Variants in TM9SF3 observed in about 807,000 individuals in gnomAD.
The protein encoded by TM9SF3 is SM-11044-binding protein.
TM9SF3 carries 14 observed loss-of-function variants against 78.6 expected under a neutral mutation model. That is an observed-to-expected ratio of 0.18 (90% CI 0.12 to 0.28). The LOEUF (loss-of-function observed/expected upper bound fraction) is 0.28. Ranked by LOEUF, TM9SF3 falls within the 10% of genes least tolerant of loss-of-function variation. The pLI is 1.00. For synonymous variants in TM9SF3, 231 were observed against 241.7 expected (o/e 0.96, Z 0.41); for missense variants, 496 against 721.9 (o/e 0.69, Z 3.59).
At chr10:96,538,553 G>A (rs1482489386) in intron 9 of TM9SF3, among the ~76,000 whole-genome samples, 1 of 152,086 alleles carries the variant, frequency 6.6e-6, no homozygotes, top group Non-Finnish European at 1.5e-5. Flanking sequence ...TTTAAAATTA[G>A]TAATTTTGCC....
chr10:96,571,660 C>A (rs1322047187), intron 2 of TM9SF3, among the ~76,000 whole-genome samples: 1 of 152,190 alleles, frequency 6.6e-6, no homozygotes, highest in Admixed American at 6.5e-5. Flanking sequence ...GCATCTCTTC[C>A]TACCTGCAGT....
chr10:96,530,468 A>C (rs1589446749), intron 11 of TM9SF3, 72 bp downstream of exon 11: 2 of 1,246,388 alleles, frequency 1.6e-6, no homozygotes, highest in South Asian at 1.4e-5. Context: ...ATAACTTTAC[A>C]TGTTCCCTAA....
chr10:96,579,920 TGAA>T (rs1848542251), intron 1 of TM9SF3, among the ~76,000 whole-genome samples: 1 of 152,214 alleles, frequency 6.6e-6, no homozygotes, highest in South Asian at 2.1e-4. Flanking sequence ...ACACAACTTC[TGAA>T]GGAGAAAACA....
At chr10:96,553,086 C>T (rs879475165) in intron 5 of TM9SF3, 27 bp from the exon 6 acceptor site, 6 of 1,562,960 alleles carry the variant, frequency 3.8e-6, no homozygotes, top group Non-Finnish European at 5.2e-6. Context: ...TAAAATGTTA[C>T]CAACCTGCAA....
intron 14 of TM9SF3, among the ~76,000 whole-genome samples, chr10:96,526,088 C>T (rs948224378): frequency 7.9e-5 from 12 of 152,070 alleles, no homozygotes; most frequent in Non-Finnish European, 1.3e-4. Context: ...TCACTGAATC[C>T]TCTTTATAGC....
intron 5 of TM9SF3, among the ~76,000 whole-genome samples, chr10:96,559,240 T>C (rs1201041822): frequency 1.8e-4 from 28 of 152,128 alleles, no homozygotes; most frequent in Non-Finnish European, 4.4e-5. Flanking sequence ...GCCTATAATA[T>C]ACTCTCTGAG....
Position 96,543,988 on chromosome 10 carries a change from T to G in TM9SF3, c.1185+88A>C, listed in dbSNP as rs7901357. 7.1e-3 allele frequency: 9,679 copies of G among 1,354,460 alleles called. 516 individuals are homozygous for G. The African/African-American group carries it at 0.12, about 17-fold the overall frequency. 83.9% of individuals were successfully genotyped at this position (1,354,460 alleles called of 1,614,324 possible). Reference sequence around the variant, plus strand: ...TGAACTGACTGAAACCATCAAAACATCTAATAAGAAGTATTTTGGAGGGTG... The same window carrying G: ...TGAACTGACTGAAACCATCAAAACAGCTAATAAGAAGTATTTTGGAGGGTG... On this transcript the variant is annotated intron_variant, in intron 9 of 14. Coordinates refer to ENST00000371142, the MANE Select transcript of TM9SF3 (RefSeq NM_020123.4).
chr10:96,543,758 T>G (rs1035797312), intron 9 of TM9SF3: 1 of 163,736 alleles, frequency 6.1e-6, no homozygotes, highest in Non-Finnish European at 1.3e-5. Flanking sequence ...GTGATTGTCA[T>G]GATTCTTTCT....
rs1847779447 is a variant in TM9SF3 at position 96,521,843 on chromosome 10, A to G, written c.*420T>C. ...TAATCTTTCTGGAACATCATTTTTC[A>G]ATAACATAGAAACACTAAGTGCCAG... On this transcript the variant is annotated 3_prime_UTR_variant, in exon 15 of 15. Transcript: ENST00000371142. 1 of 153,996 alleles carries G rather than the reference A, an allele frequency of 6.5e-6. No homozygotes were observed. 9.5% of individuals were successfully genotyped at this position (153,996 alleles called of 1,614,324 possible).
chr10:96,567,375 G>T (rs928730249), intron 2 of TM9SF3, among the ~76,000 whole-genome samples: 2 of 152,068 alleles, frequency 1.3e-5, no homozygotes, highest in Non-Finnish European at 2.9e-5. Flanking sequence ...GTGAGCCACC[G>T]CACCCGGCCA....
Position 96,547,908 on chromosome 10 carries a change from A to G in TM9SF3, c.1041T>C (p.Tyr347=). The G allele has an allele frequency of 6.2e-7, 1 of 1,613,340 alleles. No individual in the cohort carries two copies. Among genetic ancestry groups the G allele is most frequent in the South Asian group, 1.1e-5 (1 of 91,036 alleles). ...TTCGTAAGTTACCTCCTTGTCTAGC[A>G]TACAGACTTCCTCCAAAATAACCAT... ...PVNGYFGGSL[Y]ARQGGRRWIK... The change falls in exon 8 of 15, where the codon TAT becomes TAC. Residue 347 remains tyrosine, a synonymous_variant. Transcript: ENST00000371142.
chr10:96,539,875 C>T (rs977745275), intron 9 of TM9SF3, among the ~76,000 whole-genome samples: 1 of 152,098 alleles, frequency 6.6e-6, no homozygotes, highest in African/African-American at 2.4e-5. Context: ...ACAAAGAAAA[C>T]TAACTACGGG....
In TM9SF3 at chr10:96,551,853, C is replaced by T. The variant is rs895030208; in HGVS notation, c.793-442G>A. ...CTAAGAATGCAGAAATGTCCTTTAG[C>T]GCCTAGAATCTAAGAAAACATATGG... On this transcript the variant is annotated intron_variant, in intron 6 of 14. Coordinates refer to ENST00000371142, the MANE Select transcript of TM9SF3 (RefSeq NM_020123.4). 4.6e-5 allele frequency among the ~76,000 whole-genome samples: 7 copies of T among 152,194 alleles called. No homozygotes were observed. The South Asian group carries it at 6.2e-4, about 14-fold the overall frequency.
At chr10:96,581,731 A>G (rs1268090343) in intron 1 of TM9SF3, among the ~76,000 whole-genome samples, 1 of 152,240 alleles carries the variant, frequency 6.6e-6, no homozygotes, top group Non-Finnish European at 1.5e-5. Flanking sequence ...ACAGAGACAA[A>G]GACAAAAGGT....
intron 14 of TM9SF3, among the ~76,000 whole-genome samples, chr10:96,526,961 CA>C (rs1847844922): frequency 6.6e-6 from 1 of 151,968 alleles, no homozygotes; most frequent in Non-Finnish European, 1.5e-5. Context: ...AGCCAATTCT[CA>C]ACATGAATGA....
chr10:96,586,785 C>G lies in TM9SF3; in HGVS notation c.51G>C (p.Trp17Cys). 1 of 1,287,760 alleles carries G rather than the reference C, an allele frequency of 7.8e-7. No individual in the cohort carries two copies. The highest frequency in any genetic ancestry group is 9.8e-7 in the Non-Finnish European group (1 of 1,015,562). The allele number at this position is 1,287,760 out of a possible 1,614,324, so 79.8% of individuals were successfully genotyped here. The change falls in exon 1 of 15, where the codon TGG becomes TGC. Residue 17 changes from tryptophan to cysteine, a missense_variant. By Grantham distance (215) the Trp-to-Cys change is radical. Transcript: ENST00000371142. ...TCCGGGGCAGCAGCAGCAGCAGCAG[C>G]CACAGCGCGGCGGCCGCCGCCACGC... ...ALGVAAAAAL[W>C]LLLLLLPRTR... is the part of the protein sequence containing the mutation.
intron 5 of TM9SF3, 25 bp downstream of exon 5, chr10:96,559,624 CATAATCAATG>C: frequency 6.9e-7 from 1 of 1,446,536 alleles, no homozygotes; most frequent in Non-Finnish European, 9.5e-7. Flanking sequence ...AATTGGTGCA[CATAATCAATG>C]TCTTAAAATA....
chr10:96,525,236 C>A (rs966936236), intron 14 of TM9SF3, among the ~76,000 whole-genome samples: 6 of 151,872 alleles, frequency 4.0e-5, no homozygotes, highest in Non-Finnish European at 8.8e-5. Flanking sequence ...TAATAAGGAA[C>A]CTTCTGACTG....
intron 11 of TM9SF3, among the ~76,000 whole-genome samples, chr10:96,529,728 G>A (rs535157432): frequency 4.6e-5 from 7 of 151,720 alleles, no homozygotes; most frequent in African/African-American, 1.5e-4. Context: ...TATCTTACAT[G>A]AGCCAACTTT....
Sources: gnomAD v4.1 joint callset for allele counts (sites outside exome capture counted in the v4.1 genomes callset) on GRCh38, gnomAD v4.1.1 for gene constraint, MANE v1.5 for transcripts, NCBI Gene and HGNC (gene_info 2026-07-23, HGNC 2026-07-21) for gene names.